LRP2: variants seen among roughly 807,000 people sequenced by gnomAD.
LRP2 encodes LDL receptor related protein 2.
LRP2 carries 172 observed loss-of-function variants against 531.0 expected under a neutral mutation model. The observed-to-expected ratio is 0.32, with a 90% confidence interval of 0.29 to 0.37. LRP2 has a LOEUF of 0.37. Among genes scored for constraint, LRP2 ranks in the 10% least tolerant of loss-of-function variants. The pLI is 1.00. For synonymous variants in LRP2, 1,992 were observed against 2,027.6 expected, an observed-to-expected ratio of 0.98 and a Z score of 0.47; for missense variants, 5,167 against 5,868.3, an observed-to-expected ratio of 0.88 and a Z score of 3.90.
intron 48 of LRP2, among the ~76,000 whole-genome samples, chr2:169,189,803 T>C (rs1324188308): frequency 2.4e-5 from 1 of 41,242 alleles, no homozygotes; most frequent in Non-Finnish European, 1.3e-4. Context: ...ACAAACAGTA[T>C]TTTTTTTTCT....
intron 4 of LRP2, among the ~76,000 whole-genome samples, chr2:169,301,351 C>A (rs1369747746): frequency 1.3e-5 from 2 of 151,422 alleles, no homozygotes; most frequent in East Asian, 3.9e-4. Flanking sequence ...TTCCTTGATG[C>A]TAATCCCATT....
At chr2:169,349,460 A>T (rs914361493) in intron 1 of LRP2, among the ~76,000 whole-genome samples, 1 of 152,148 alleles carries the variant, frequency 6.6e-6, no homozygotes, top group Non-Finnish European at 1.5e-5. Context: ...CAGGGAGGTG[A>T]TGTGAAGGCC....
At chr2:169,129,746 T>C (rs936623169) in intron 77 of LRP2, among the ~76,000 whole-genome samples, 1 of 152,194 alleles carries the variant, frequency 6.6e-6, no homozygotes, top group African/African-American at 2.4e-5. Context: ...GGGCAGGTAA[T>C]GATTACTCAG....
intron 1 of LRP2, among the ~76,000 whole-genome samples, chr2:169,335,676 C>T (rs979847855): frequency 1.3e-5 from 2 of 152,032 alleles, no homozygotes; most frequent in African/African-American, 2.4e-5. Context: ...GGAAGTTCAG[C>T]GATTCTCCAG....
intron 56 of LRP2, 73 bp downstream of exon 56, chr2:169,173,846 C>T: frequency 1.9e-6 from 3 of 1,601,776 alleles, no homozygotes; most frequent in Non-Finnish European, 2.6e-6. Context: ...TCCATGTCCT[C>T]TCTCAGTCCC....
intron 16 of LRP2, 31 bp from the exon 17 acceptor site, chr2:169,259,248 C>T: frequency 6.5e-7 from 1 of 1,549,162 alleles, no homozygotes; most frequent in Non-Finnish European, 8.9e-7. Context: ...ATATTTTAAG[C>T]TAAGTATATT....
intron 12 of LRP2, among the ~76,000 whole-genome samples, 198 bp from the exon 13 acceptor site, chr2:169,278,149 A>G (rs1175737710): frequency 6.6e-6 from 1 of 152,074 alleles, no homozygotes; most frequent in African/African-American, 2.4e-5. Flanking sequence ...AACAGTTCCA[A>G]ATAGCAACTA....
At position 169,313,023 on chromosome 2, in the gene LRP2, G is replaced by A. The variant is rs967232169; in HGVS notation, c.311-5626C>T. 4.7e-4 allele frequency among the ~76,000 whole-genome samples: 71 copies of A among 152,258 alleles called. 1 individual carries two copies. In the Middle Eastern group the frequency reaches 0.027, roughly 58 times the overall value. Reference sequence around the variant, plus strand: ...CTATTGACGCTTGTGCATGCATCACGTAGTTCTCATGCCATGGTTTTCAGC... The same window carrying A: ...CTATTGACGCTTGTGCATGCATCACATAGTTCTCATGCCATGGTTTTCAGC... On this transcript the variant is annotated intron_variant, in intron 3 of 78. Transcript: ENST00000649046.
intron 10 of LRP2, among the ~76,000 whole-genome samples, chr2:169,282,407 G>C (rs138409558): frequency 1.3e-5 from 2 of 152,260 alleles, no homozygotes; most frequent in Non-Finnish European, 2.9e-5. Context: ...AAATTACCCA[G>C]AGTTAGTGCA....
At position 169,238,137 on chromosome 2, in the gene LRP2, T is replaced by A. The variant is rs762951957; in HGVS notation, c.4460A>T (p.Gln1487Leu). The A allele has an allele frequency of 6.2e-7, 1 of 1,614,178 alleles. No individual in the cohort carries two copies. Among genetic ancestry groups the A allele is most frequent in the Admixed American group, 1.7e-5 (1 of 60,032 alleles). Residue 1487 changes from glutamine to leucine, a missense_variant, in exon 27 of 79, where the codon CAG (glutamine) becomes CTG (leucine). Transcript: ENST00000649046. ...TTGAAACGCACTCCAGGTTTTACCC[T>A]GAGTTGCATCAGACCAAAAGATACG... is the stretch of plus-strand genomic sequence containing the variant. ...SGRIFWSDAT[Q>L]GKTWSAFQNG...
At chr2:169,348,643 G>A (rs1399553436) in intron 1 of LRP2, among the ~76,000 whole-genome samples, 1 of 152,156 alleles carries the variant, frequency 6.6e-6, no homozygotes, top group Non-Finnish European at 1.5e-5. Flanking sequence ...TTATCTTTTT[G>A]TAAAAGCTAC....
chr2:169,127,751 T>A lies in LRP2; in HGVS notation c.*912A>T, dbSNP rs1685146979. ...CCCAGTTGAGGCTTTACTTAACTGG[T>A]ATTTTTTTTTTTTGCACCTTATTTT... On this transcript the variant is annotated 3_prime_UTR_variant, in exon 79 of 79. Transcript: ENST00000649046. The A allele has an allele frequency of 3.1e-5, 2 of 64,936 alleles. No individual in the cohort carries two copies. The allele number at this position is 64,936 out of a possible 1,614,324, so 4.0% of individuals were successfully genotyped here.
chr2:169,220,454 C>G lies in LRP2; in HGVS notation c.5648G>C (p.Gly1883Ala). 1 of 1,610,400 alleles carries G rather than the reference C, an allele frequency of 6.2e-7. No individual in the cohort carries two copies. The highest frequency in any genetic ancestry group is 8.5e-7 in the Non-Finnish European group (1 of 1,176,766). ...ACACGTGCCATTTATGAATACTCAC[C>G]CACGAGCAGGATCAACAGTTATGCC... ...PIGITVDPARGKLYWSDQGTD... is the reference protein window; with the variant it reads ...PIGITVDPARAKLYWSDQGTD... Residue 1883 changes from glycine to alanine, a missense_variant and splice_region_variant, in exon 34 of 79, where the codon GGG becomes GCG. Physicochemically the swap from Gly to Ala is moderately conservative, Grantham distance 60. This residue lies in a region of LRP2 where 2,811 missense variants were observed against 3,058.0 expected (regional missense o/e 0.92). Coordinates refer to ENST00000649046, the MANE Select transcript of LRP2 (RefSeq NM_004525.3).
chr2:169,233,270 G>C (rs564183383), intron 30 of LRP2, 141 bp downstream of exon 30: 5 of 865,422 alleles, frequency 5.8e-6, no homozygotes, highest in Non-Finnish European at 9.6e-6. Context: ...ACTAGGGAAA[G>C]TATATAGTGG....
At chr2:169,247,603 C>T (rs1690062145) in intron 19 of LRP2, 88 bp from the exon 20 acceptor site, 6 of 1,419,652 alleles carry the variant, frequency 4.2e-6, no homozygotes, top group Non-Finnish European at 5.9e-6. Flanking sequence ...GCTTGAAATG[C>T]TTCTTGCAAG....
chr2:169,328,324 C>T (rs1235394115), intron 1 of LRP2, among the ~76,000 whole-genome samples: 3 of 138,870 alleles, frequency 2.2e-5, no homozygotes, highest in South Asian at 2.3e-4. Context: ...ACGCCCCGTC[C>T]GGGAGGTGAG....
intron 1 of LRP2, among the ~76,000 whole-genome samples, chr2:169,336,175 T>G (rs1368705657): frequency 2.0e-5 from 3 of 152,190 alleles, no homozygotes; most frequent in Non-Finnish European, 4.4e-5. Flanking sequence ...TTTATTATCT[T>G]AAGTTGTTAC....
rs375778332 is a variant in LRP2, at chr2:169,185,743, A to G, written c.9605T>C (p.Ile3202Thr). Residue 3202 changes from isoleucine to threonine, a missense_variant, in exon 50 of 79, where the codon ATT (isoleucine) becomes ACT (threonine). By Grantham distance (89) the Ile-to-Thr change is moderately conservative. This residue lies in a region of LRP2 where 1,129 missense variants were observed against 1,362.7 expected (regional missense o/e 0.83). Coordinates refer to ENST00000649046, the MANE Select transcript of LRP2 (RefSeq NM_004525.3). ...TCTCAAATAGTAACGGTTGCTAAAA[A>G]TGAGATAGGGTTCGATGTTACTGTT... ...RQNSNIEPYLIFSNRYYLRNL... is the reference protein window; with the variant it reads ...RQNSNIEPYLTFSNRYYLRNL... The G allele has an allele frequency of 3.7e-6, 6 of 1,614,034 alleles. No individual in the cohort carries two copies. Among genetic ancestry groups the G allele is most frequent in the Non-Finnish European group, 5.1e-6 (6 of 1,180,000 alleles).
intron 29 of LRP2, 143 bp from the exon 30 acceptor site, chr2:169,233,731 A>C (rs1689499165): frequency 1.2e-6 from 1 of 808,860 alleles, no homozygotes; most frequent in Admixed American, 2.0e-5. Context: ...ATTGTGCAAA[A>C]GAGCGGCAAA....
Sources: gnomAD v4.1 joint callset for allele counts (sites outside exome capture counted in the v4.1 genomes callset) on GRCh38, gnomAD v4.1.1 for gene constraint, gnomAD v4.1.1 regional missense constraint, MANE v1.5 for transcripts, NCBI Gene and HGNC (gene_info 2026-07-23, HGNC 2026-07-21) for gene names.